The following DKK2 variants were observed in gnomAD, a reference collection of about 807,000 sequenced individuals.
DKK2 encodes the protein dickkopf-related protein 2.
DKK2 carries 11 observed loss-of-function variants against 28.1 expected under a neutral mutation model. The ratio of observed to expected loss-of-function variants is 0.39; its 90% CI spans 0.25 to 0.65. The LOEUF is 0.65. Ranked by LOEUF, DKK2 falls within the 30% of genes least tolerant of loss-of-function variation. The pLI, the probability that DKK2 is intolerant of heterozygous loss-of-function variation, is 0.47. For missense variants in DKK2, 326 were observed against 335.5 expected (o/e 0.97, Z 0.22); for synonymous variants, 135 against 126.5 (o/e 1.07, Z -0.45).
chr4:107,022,033 A>C (rs1486782708), intron 1 of DKK2, among the ~76,000 whole-genome samples: 2 of 152,102 alleles, frequency 1.3e-5, no homozygotes, highest in African/African-American at 4.8e-5. Context: ...CACTTCCAGC[A>C]AAAAGCAGAA....
intron 1 of DKK2, among the ~76,000 whole-genome samples, chr4:107,018,221 T>C (rs1723638197): frequency 6.6e-6 from 1 of 152,050 alleles, no homozygotes; most frequent in African/African-American, 2.4e-5. Flanking sequence ...CAAGTCATAC[T>C]TCCCAATGGA....
intron 1 of DKK2, among the ~76,000 whole-genome samples, chr4:106,974,947 A>T (rs76128573): frequency 1.3e-5 from 2 of 152,190 alleles, no homozygotes; most frequent in African/African-American, 4.8e-5. Context: ...AGCTTTTAGT[A>T]TAAAGGGGTG....
intron 1 of DKK2, among the ~76,000 whole-genome samples, chr4:107,026,050 C>T (rs1723774251): frequency 6.6e-6 from 1 of 152,204 alleles, no homozygotes; most frequent in Admixed American, 6.5e-5. Context: ...TCATGAAACA[C>T]CTCTTAAGCA....
intron 1 of DKK2, among the ~76,000 whole-genome samples, chr4:106,935,507 A>C (rs1413388538): frequency 6.6e-6 from 1 of 152,202 alleles, no homozygotes; most frequent in Non-Finnish European, 1.5e-5. Context: ...GCAGTCTGAG[A>C]TCAAACTGCA....
intron 1 of DKK2, among the ~76,000 whole-genome samples, chr4:106,930,925 T>C (rs1181994051): frequency 6.6e-6 from 1 of 152,068 alleles, no homozygotes; most frequent in Non-Finnish European, 1.5e-5. Context: ...TTGCCCTGAG[T>C]CCTTAGAGAA....
chr4:106,978,804 AAAAC>A (rs976499894), intron 1 of DKK2, among the ~76,000 whole-genome samples: 6 of 151,844 alleles, frequency 4.0e-5, no homozygotes, highest in African/African-American at 7.2e-5. Context: ...AAAGAAAAAG[AAAAC>A]AAACAAACTC....
At chr4:106,976,256 C>A (rs556027505) in intron 1 of DKK2, among the ~76,000 whole-genome samples, 1 of 152,200 alleles carries the variant, frequency 6.6e-6, no homozygotes, top group East Asian at 1.9e-4. Flanking sequence ...TCTATTAAGT[C>A]CACTTGGTCT....
chr4:106,965,375 G>C (rs1303340880), intron 1 of DKK2, among the ~76,000 whole-genome samples: 1 of 151,966 alleles, frequency 6.6e-6, no homozygotes, highest in East Asian at 1.9e-4. Context: ...CTAAAGGTTT[G>C]GCAGGAATAA....
chr4:106,973,745 C>T (rs1008828177), intron 1 of DKK2, among the ~76,000 whole-genome samples: 1 of 152,086 alleles, frequency 6.6e-6, no homozygotes, highest in Non-Finnish European at 1.5e-5. Context: ...TTAATTAGAT[C>T]CCATTTGTCT....
intron 1 of DKK2, among the ~76,000 whole-genome samples, chr4:106,985,987 A>T (rs1444707940): frequency 4.6e-5 from 7 of 152,112 alleles, no homozygotes; most frequent in Non-Finnish European, 1.5e-5. Context: ...AACCTTTCAG[A>T]TCTCAGCCAG....
intron 1 of DKK2, among the ~76,000 whole-genome samples, chr4:106,965,192 T>C (rs1164481716): frequency 6.6e-6 from 1 of 152,020 alleles, no homozygotes; most frequent in Non-Finnish European, 1.5e-5. Context: ...TGTTTCTTGA[T>C]ATTTAAACAC....
intron 1 of DKK2, among the ~76,000 whole-genome samples, chr4:107,031,277 A>G (rs1321002372): frequency 6.6e-6 from 1 of 151,978 alleles, no homozygotes; most frequent in Non-Finnish European, 1.5e-5. Context: ...TAAGCAGGAG[A>G]AAGTTGGGCT....
chr4:106,991,846 C>G (rs967596067), intron 1 of DKK2, among the ~76,000 whole-genome samples: 1 of 152,166 alleles, frequency 6.6e-6, no homozygotes, highest in Non-Finnish European at 1.5e-5. Flanking sequence ...CATATTTGGC[C>G]TACACCATCA....
intron 1 of DKK2, among the ~76,000 whole-genome samples, chr4:106,949,825 T>A (rs1015392437): frequency 6.6e-6 from 1 of 152,174 alleles, no homozygotes; most frequent in Non-Finnish European, 1.5e-5. Flanking sequence ...GCATGACCTC[T>A]TTTTGTTGTG....
rs1025303498 is a variant in DKK2 at position 107,035,463 on chromosome 4, G to T, written c.129C>A (p.Gly43=). 1.2e-6 allele frequency: 2 copies of T among 1,614,046 alleles called. No individual in the cohort carries two copies. Among genetic ancestry groups the T allele is most frequent in the Non-Finnish European group, 8.5e-7 (1 of 1,180,040 alleles). ...TGGCGGCCTGACCAGGCGTCTCCCC[G>T]CCCAGAGAGGACTTGATGGAGTTGA... ...AKLNSIKSSL[G]GETPGQAANR... is the part of the protein sequence containing the mutation. Residue 43 remains glycine (G), a synonymous_variant, in exon 1 of 4, where the codon GGC becomes GGA. Coordinates refer to ENST00000285311, the MANE Select transcript of DKK2 (RefSeq NM_014421.3).
chr4:106,957,060 AAAAC>A (rs549170314), intron 1 of DKK2, among the ~76,000 whole-genome samples: 27 of 152,024 alleles, frequency 1.8e-4, no homozygotes, highest in Non-Finnish European at 3.5e-4. Context: ...TTACAAGAAA[AAAAC>A]AAACAACCCC....
chr4:107,034,393 G>C (rs1436319543), intron 1 of DKK2, among the ~76,000 whole-genome samples: 19 of 152,046 alleles, frequency 1.2e-4, no homozygotes, highest in East Asian at 5.9e-4. Context: ...GCGGAAGGGG[G>C]AGCTGTCATG....
chr4:106,938,906 C>G (rs1315434915), intron 1 of DKK2, among the ~76,000 whole-genome samples: 2 of 151,370 alleles, frequency 1.3e-5, no homozygotes, highest in African/African-American at 4.9e-5. Flanking sequence ...TGACAAAATT[C>G]AACAACCCTT....
intron 1 of DKK2, among the ~76,000 whole-genome samples, chr4:106,981,325 TAGAA>T (rs1198870525): frequency 6.6e-6 from 1 of 152,214 alleles, no homozygotes; most frequent in East Asian, 1.9e-4. Context: ...AGATTTTTCT[TAGAA>T]AGCAATACAT....
Sources: allele counts gnomAD v4.1 joint callset (sites outside exome capture counted in the v4.1 genomes callset), GRCh38; gene constraint gnomAD v4.1.1; transcripts MANE v1.5; gene names NCBI Gene and HGNC (gene_info 2026-07-23, HGNC 2026-07-21).